The following SUMF1 variants were observed in gnomAD, a reference collection of about 807,000 sequenced individuals.
SUMF1 encodes the protein sulfatase modifying factor 1, also known as formylglycine-generating enzyme.
Under a neutral mutation model 47.6 loss-of-function variants are expected in SUMF1, and 48 were observed. That is an observed-to-expected ratio of 1.01 (90% CI 0.80 to 1.28). The LOEUF (loss-of-function observed/expected upper bound fraction) is 1.28, where lower values mean the gene tolerates loss of function less well. Among genes scored for constraint, SUMF1 ranks in the 50% most tolerant of loss-of-function variants. The pLI is 0.00. For synonymous variants in SUMF1, 230 were observed against 192.1 expected (o/e 1.20, Z -1.63); for missense variants, 571 against 485.4 (o/e 1.18, Z -1.66).
chr3:4,145,471 A>G (rs765472166), intron 8 of SUMF1, among the ~76,000 whole-genome samples: 17 of 152,132 alleles, frequency 1.1e-4, no homozygotes, highest in Non-Finnish European at 2.4e-4. Context: ...TCTGCAATTC[A>G]TATCTTGTCC....
chr3:4,149,323 T>C lies in SUMF1; in HGVS notation c.1015-80578A>G, dbSNP rs572993339. On this transcript the variant is annotated intron_variant and NMD_transcript_variant, in intron 8 of 12. Coordinates refer to the SUMF1 transcript ENST00000448413. ...TTTACAGCCCCATAATGGAGTCTTC[T>C]TGAGGGATTTTTCAAAGGTAATTCT... Among the ~76,000 whole-genome samples, 13 of 152,236 alleles carry C rather than the reference T, an allele frequency of 8.5e-5. No homozygotes were observed. The East Asian group carries it at 1.9e-3, about 23-fold the overall frequency.
At chr3:4,295,017 A>C (rs78975322) in intron 8 of SUMF1, among the ~76,000 whole-genome samples, 2,243 of 152,320 alleles carry the variant, frequency 0.015, 64 homozygotes, top group African/African-American at 0.052. Context: ...CCTCTGTGGA[A>C]TTCTTTTTAC....
At chr3:4,204,986 G>C (rs1409807865) in intron 8 of SUMF1, among the ~76,000 whole-genome samples, 1 of 152,042 alleles carries the variant, frequency 6.6e-6, no homozygotes, top group Non-Finnish European at 1.5e-5. Context: ...GGTCATTTGT[G>C]CCTTATTTAG....
In SUMF1 at chr3:4,448,759, CT is replaced by C. The variant is rs149832598; in HGVS notation, c.519+506del. Among the ~76,000 whole-genome samples the C allele has an allele frequency of 6.7e-3, 1,018 of 152,304 alleles. 8 individuals are homozygous for C. Among genetic ancestry groups the C allele is most frequent in the African/African-American group, 0.023 (970 of 41,568 alleles). On this transcript the variant is annotated intron_variant, in intron 3 of 8. Coordinates refer to ENST00000272902, the MANE Select transcript of SUMF1 (RefSeq NM_182760.4). ...ATCCTCCATATGGGAGGGTACACCC[CT>C]GCATGTAAAGAACCAGTTCACCACC...
At chr3:4,424,170 T>C (rs1701994633) in intron 3 of SUMF1, among the ~76,000 whole-genome samples, 5 of 152,194 alleles carry the variant, frequency 3.3e-5, no homozygotes, top group Admixed American at 3.3e-4. Flanking sequence ...TTCAAATTGA[T>C]GGGTCCAGAT....
At chr3:4,459,576 G>T (rs936343880) in intron 1 of SUMF1, among the ~76,000 whole-genome samples, 24 of 152,096 alleles carry the variant, frequency 1.6e-4, no homozygotes, top group Non-Finnish European at 4.4e-5. Context: ...AAATGGTGCT[G>T]TTTTCATTTA....
At chr3:4,354,429 T>C (rs1699573938) in intron 8 of SUMF1, among the ~76,000 whole-genome samples, 1 of 149,918 alleles carries the variant, frequency 6.7e-6, no homozygotes, top group Admixed American at 6.6e-5. Context: ...GACTTTTCCA[T>C]TGGTATTAAA....
At chr3:4,285,886 A>G (rs1192700488) in intron 8 of SUMF1, among the ~76,000 whole-genome samples, 3 of 152,166 alleles carry the variant, frequency 2.0e-5, no homozygotes, top group Non-Finnish European at 4.4e-5. Flanking sequence ...AAGTTAACTA[A>G]AAGTATAAAT....
intron 3 of SUMF1, among the ~76,000 whole-genome samples, chr3:4,438,805 C>T (rs1378344839): frequency 6.6e-6 from 1 of 151,944 alleles, no homozygotes; most frequent in African/African-American, 2.4e-5. Flanking sequence ...TAACAACTTC[C>T]TATAATGGAT....
intron 3 of SUMF1, among the ~76,000 whole-genome samples, chr3:4,439,549 T>C (rs1413134283): frequency 1.3e-5 from 2 of 152,000 alleles, no homozygotes; most frequent in African/African-American, 4.8e-5. Flanking sequence ...TAAGTGGCTT[T>C]TCCCAAAATC....
At chr3:4,258,912 A>G (rs1173511405) in intron 8 of SUMF1, among the ~76,000 whole-genome samples, 1 of 139,658 alleles carries the variant, frequency 7.2e-6, no homozygotes, top group East Asian at 1.9e-4. Context: ...GCACATATAC[A>G]CCATGGAATA....
At chr3:4,066,703 C>T (rs545184332) in intron 9 of SUMF1, among the ~76,000 whole-genome samples, 1 of 152,274 alleles carries the variant, frequency 6.6e-6, no homozygotes, top group Non-Finnish European at 1.5e-5. Context: ...TGAGGCTTGG[C>T]TGCCATCTTC....
intron 8 of SUMF1, among the ~76,000 whole-genome samples, chr3:4,250,275 A>G (rs1420147765): frequency 2.4e-5 from 3 of 125,484 alleles, no homozygotes; most frequent in Non-Finnish European, 1.6e-5. Context: ...AGAGGGGGAA[A>G]GGGGGAAGGA....
At chr3:4,235,644 C>A (rs891552075) in intron 8 of SUMF1, among the ~76,000 whole-genome samples, 10 of 152,048 alleles carry the variant, frequency 6.6e-5, no homozygotes, top group Non-Finnish European at 1.3e-4. Flanking sequence ...CCTCTATGTA[C>A]TTACAAGGGA....
At chr3:4,166,204 G>A (rs890770138) in intron 8 of SUMF1, among the ~76,000 whole-genome samples, 2 of 152,082 alleles carry the variant, frequency 1.3e-5, no homozygotes, top group African/African-American at 4.8e-5. Flanking sequence ...AGAGTCCTAA[G>A]CATTTTCCCC....
chr3:4,296,018 T>A lies in SUMF1; in HGVS notation c.1014+80312A>T, dbSNP rs535947117. Among the ~76,000 whole-genome samples, 4 of 152,070 alleles carry A rather than the reference T, an allele frequency of 2.6e-5. No homozygotes were observed. The East Asian group carries it at 5.8e-4, about 22-fold the overall frequency. ...GTAAACTGCTGTCTTTTGGAAAACA[T>A]AACACAGGGTCACAATTTTGTAAGA... On this transcript the variant is annotated intron_variant and NMD_transcript_variant, in intron 8 of 12. Transcript: ENST00000448413.
chr3:4,325,573 ATATATG>A (rs1698926758), intron 8 of SUMF1, among the ~76,000 whole-genome samples: 4 of 150,532 alleles, frequency 2.7e-5, no homozygotes, highest in South Asian at 2.1e-4. Flanking sequence ...GTATATATAT[ATATATG>A]TATGTATATA....
At chr3:4,332,564 T>C (rs191006517) in intron 8 of SUMF1, among the ~76,000 whole-genome samples, 1 of 152,346 alleles carries the variant, frequency 6.6e-6, no homozygotes, top group African/African-American at 2.4e-5. Flanking sequence ...TTCTAGTGTA[T>C]ACCGGCAGAC....
intron 8 of SUMF1, among the ~76,000 whole-genome samples, chr3:4,364,137 T>A (rs1276607715): frequency 5.6e-5 from 8 of 141,668 alleles, no homozygotes; most frequent in African/African-American, 2.0e-4. Flanking sequence ...AGTATTTTAT[T>A]GAGGATTTTT....
Sources: gnomAD v4.1 joint callset for allele counts (sites outside exome capture counted in the v4.1 genomes callset) on GRCh38, gnomAD v4.1.1 for gene constraint, MANE v1.5 for transcripts, NCBI Gene and HGNC (gene_info 2026-07-23, HGNC 2026-07-21) for gene names.